SERPINA3: variants seen among roughly 807,000 people sequenced by gnomAD.
The protein encoded by SERPINA3 is alpha-1-antichymotrypsin.
In SERPINA3, 32 loss-of-function variants were observed where a neutral mutation model predicts 26.8. That is an observed-to-expected ratio of 1.20 (90% CI 0.90 to 1.61). The LOEUF is 1.61. Among genes scored for constraint, SERPINA3 ranks in the 40% most tolerant of loss-of-function variants. SERPINA3 has a pLI of 0.00. For synonymous variants in SERPINA3, 252 were observed against 206.4 expected (o/e 1.22, Z -1.89); for missense variants, 632 against 517.9 (o/e 1.22, Z -2.14).
At chr14:94,616,533 C>T (rs1003056902) in intron 2 of SERPINA3, among the ~76,000 whole-genome samples, 3 of 152,150 alleles carry the variant, frequency 2.0e-5, no homozygotes, top group African/African-American at 4.8e-5. Flanking sequence ...CCCTGGAGTG[C>T]TTGTTCCCTC....
intron 4 of SERPINA3, 27 bp downstream of exon 4, chr14:94,622,518 A>G (rs758222423): frequency 6.2e-7 from 1 of 1,612,860 alleles, no homozygotes; most frequent in Admixed American, 1.7e-5. Flanking sequence ...GGGTCAATTC[A>G]TCCTTTGTAT....
chr14:94,612,406 C>A lies in SERPINA3; in HGVS notation c.-50C>A, dbSNP rs375455184. 3 of 1,365,824 alleles carry A rather than the reference C, an allele frequency of 2.2e-6. No homozygotes were observed. In the East Asian group the frequency reaches 1.4e-4, roughly 62 times the overall value. 84.6% of individuals were successfully genotyped at this position (1,365,824 alleles called of 1,614,324 possible). Reference sequence around the variant, plus strand: ...ATGAAAATCCACTACTCCAGACAGACGGCTTTGGAATCCACCAGCTACATC... The same window carrying A: ...ATGAAAATCCACTACTCCAGACAGAAGGCTTTGGAATCCACCAGCTACATC... On this transcript the variant is annotated 5_prime_UTR_variant, in exon 1 of 5. Transcript: ENST00000393078.
At chr14:94,622,796 C>G (rs1164569390) in intron 4 of SERPINA3, 1 of 432,858 alleles carries the variant, frequency 2.3e-6, no homozygotes, top group East Asian at 4.9e-5. Context: ...TCCTCCACCC[C>G]CAGCTTTCCA....
intron 4 of SERPINA3, 79 bp from the exon 5 acceptor site, chr14:94,623,532 C>T: frequency 7.5e-7 from 1 of 1,325,518 alleles, no homozygotes; most frequent in South Asian, 1.2e-5. Context: ...CACATTAGAC[C>T]CCTTAGTGGC....
At chr14:94,616,224 A>C (rs1156840229) in intron 2 of SERPINA3, among the ~76,000 whole-genome samples, 2 of 152,140 alleles carry the variant, frequency 1.3e-5, no homozygotes, top group Non-Finnish European at 2.9e-5. Context: ...ACAATGGGAA[A>C]CAGGCAGGTG....
chr14:94,615,154 G>A, intron 2 of SERPINA3, 70 bp downstream of exon 2: 1 of 1,555,286 alleles, frequency 6.4e-7, no homozygotes, highest in Non-Finnish European at 8.8e-7. Context: ...CTCAACAATG[G>A]TGTTATTAGG....
In SERPINA3 at chr14:94,614,975, G is replaced by A. The variant is rs1211010164; in HGVS notation, c.534G>A (p.Lys178=). 1.9e-6 allele frequency: 3 copies of A among 1,613,664 alleles called. No individual in the cohort carries two copies. The highest frequency in any genetic ancestry group is 4.5e-5 in the East Asian group (2 of 44,866). Residue 178 remains lysine, a synonymous_variant, in exon 2 of 5, where the codon AAG becomes AAA. Transcript: ENST00000393078. ...TTCAGGACTCAGCTGCAGCTAAGAA[G>A]CTCATCAACGACTACGTGAAGAATG... ...TDFQDSAAAK[K]LINDYVKNGT...
At position 94,623,749 on chromosome 14, in the gene SERPINA3, A is replaced by G. The variant is rs1025770294; in HGVS notation, c.1207A>G (p.Ile403Val). The change falls in exon 5 of 5, where the codon ATT (isoleucine) becomes GTT (valine). Residue 403 changes from isoleucine to valine, a missense_variant. Ile to Val is a conservative substitution (Grantham distance 29). Transcript: ENST00000393078. ...TTTCAACAGGCCCTTCCTGATGATCATTGTCCCTACAGACACCCAGAACAT... is the reference window on the plus strand; with the variant it reads ...TTTCAACAGGCCCTTCCTGATGATCGTTGTCCCTACAGACACCCAGAACAT... ...VRFNRPFLMI[I>V]VPTDTQNIFF... The G allele has an allele frequency of 1.2e-6, 2 of 1,614,024 alleles. No individual in the cohort carries two copies. The highest frequency in any genetic ancestry group is 1.3e-5 in the African/African-American group (1 of 74,898).
rs1017134973 is a variant in SERPINA3, at chr14:94,619,460, G to A, written c.909G>A (p.Leu303=). Residue 303 remains leucine, a synonymous_variant, in exon 3 of 5, where the codon CTG becomes CTA. Coordinates refer to ENST00000393078, the MANE Select transcript of SERPINA3 (RefSeq NM_001085.5). ...CCCTGAAGCGGTGGAGAGACTCTCT[G>A]GAGTTCAGGTGATTCTTCCTGGCCC... ...PETLKRWRDS[L]EFREIGELYL... is the part of the protein sequence containing the mutation. 13 of 1,613,880 alleles carry A rather than the reference G, an allele frequency of 8.1e-6. No individual in the cohort carries two copies. The highest frequency in any genetic ancestry group is 2.2e-5 in the East Asian group (1 of 44,884).
chr14:94,619,514 G>A, intron 3 of SERPINA3, 46 bp downstream of exon 3: 2 of 1,611,220 alleles, frequency 1.2e-6, no homozygotes, highest in East Asian at 4.5e-5. Flanking sequence ...TCCACGTCAA[G>A]GTCTCACCAA....
At chr14:94,619,084 A>T in intron 2 of SERPINA3, 111 bp from the exon 3 acceptor site, 1 of 1,242,266 alleles carries the variant, frequency 8.0e-7, no homozygotes, top group South Asian at 1.2e-5. Flanking sequence ...TCTAAACCAA[A>T]GCAGGGTCCC....
intron 2 of SERPINA3, chr14:94,615,390 A>C: frequency 2.0e-6 from 1 of 497,650 alleles, no homozygotes. Flanking sequence ...CTCTCCTTTC[A>C]AACCACTCCA....
intron 2 of SERPINA3, chr14:94,615,425 T>C (rs1193449814): frequency 4.2e-6 from 2 of 472,532 alleles, no homozygotes; most frequent in Non-Finnish European, 8.4e-6. Flanking sequence ...TAGAGCTCCC[T>C]CCTTGCAGGG....
chr14:94,623,311 TG>T (rs1414398866), intron 4 of SERPINA3, among the ~76,000 whole-genome samples: 2 of 152,182 alleles, frequency 1.3e-5, no homozygotes, highest in East Asian at 3.8e-4. Context: ...GTGGCTGTTT[TG>T]GGGGCAAAAT....
In SERPINA3 at chr14:94,619,478, C is replaced by T. The variant is rs1158174809; in HGVS notation, c.917+10C>T. The T allele has an allele frequency of 2.5e-6, 4 of 1,613,894 alleles. No individual in the cohort carries two copies. Among genetic ancestry groups the T allele is most frequent in the South Asian group, 2.2e-5 (2 of 91,060 alleles). On this transcript the variant is annotated intron_variant, in intron 3 of 4. Coordinates refer to ENST00000393078, the MANE Select transcript of SERPINA3 (RefSeq NM_001085.5). ...ACTCTCTGGAGTTCAGGTGATTCTT[C>T]CTGGCCCCCAAAGACCCCACATCTC...
intron 2 of SERPINA3, chr14:94,618,894 T>G: frequency 2.0e-6 from 1 of 504,888 alleles, no homozygotes; most frequent in Non-Finnish European, 3.6e-6. Flanking sequence ...CATGTTGTCA[T>G]GCCTCTTTCC....
intron 2 of SERPINA3, 55 bp from the exon 3 acceptor site, chr14:94,619,140 C>T (rs975453481): frequency 4.2e-5 from 68 of 1,604,786 alleles, no homozygotes; most frequent in African/African-American, 2.1e-4. Flanking sequence ...GAAGCAGGGT[C>T]GAGCAGGGCG....
At chr14:94,616,839 T>G (rs1886023617) in intron 2 of SERPINA3, among the ~76,000 whole-genome samples, 1 of 152,116 alleles carries the variant, frequency 6.6e-6, no homozygotes, top group African/African-American at 2.4e-5. Flanking sequence ...GGGCCCTCAG[T>G]TGAACAGCTG....
At chr14:94,612,497 GGA>G in intron 1 of SERPINA3, 50 bp downstream of exon 1, 3 of 1,224,356 alleles carry the variant, frequency 2.5e-6, no homozygotes, top group Non-Finnish European at 3.3e-6. Flanking sequence ...TGTTTTTCCA[GGA>G]GAGTTTTAGG....
Sources: gnomAD v4.1 joint callset for allele counts (sites outside exome capture counted in the v4.1 genomes callset) on GRCh38, gnomAD v4.1.1 for gene constraint, MANE v1.5 for transcripts, NCBI Gene and HGNC (gene_info 2026-07-23, HGNC 2026-07-21) for gene names.